The following OSTN variants were observed in gnomAD, a reference collection of about 807,000 sequenced individuals.
The protein encoded by OSTN is osteocrin.
A neutral mutation model predicts 12.0 loss-of-function variants in OSTN; 9 were observed. The ratio of observed to expected loss-of-function variants is 0.75; its 90% CI spans 0.45 to 1.30. The LOEUF (loss-of-function observed/expected upper bound fraction) is 1.30. Ranked by LOEUF, OSTN falls within the 50% of genes most tolerant of loss-of-function variation. OSTN has a pLI of 0.00. For missense variants in OSTN, 148 were observed against 152.3 expected (o/e 0.97, Z 0.15); for synonymous variants, 59 against 56.9 (o/e 1.04, Z -0.16).
intron 1 of OSTN, among the ~76,000 whole-genome samples, chr3:191,209,241 A>G (rs2108589463): frequency 6.6e-6 from 1 of 152,350 alleles, no homozygotes; most frequent in African/African-American, 2.4e-5. Flanking sequence ...ATCCTCCTTT[A>G]TGTAAAGTCA....
intron 4 of OSTN, among the ~76,000 whole-genome samples, chr3:191,252,851 G>T (rs1255985510): frequency 6.6e-6 from 1 of 152,086 alleles, no homozygotes; most frequent in Non-Finnish European, 1.5e-5. Context: ...ATTAAACAGG[G>T]GATGTATCAT....
At chr3:191,230,056 G>C (rs1219606897) in intron 3 of OSTN, among the ~76,000 whole-genome samples, 1 of 133,290 alleles carries the variant, frequency 7.5e-6, no homozygotes, top group Non-Finnish European at 1.5e-5. Flanking sequence ...ACAGAGTGAG[G>C]ACTCAGTCTC....
chr3:191,251,426 C>T (rs1008835978), intron 4 of OSTN, among the ~76,000 whole-genome samples: 6 of 152,198 alleles, frequency 3.9e-5, no homozygotes, highest in African/African-American at 1.4e-4. Flanking sequence ...CAATCTGAGG[C>T]TAGAGCAGAG....
intron 4 of OSTN, among the ~76,000 whole-genome samples, chr3:191,260,378 C>T (rs1282434892): frequency 2.0e-5 from 3 of 151,938 alleles, no homozygotes; most frequent in Admixed American, 6.6e-5. Context: ...GCCAAAGATT[C>T]CCCCACCAAA....
At chr3:191,259,007 T>TGCCTA (rs1715739076) in intron 4 of OSTN, among the ~76,000 whole-genome samples, 1 of 152,066 alleles carries the variant, frequency 6.6e-6, no homozygotes, top group African/African-American at 2.4e-5. Context: ...CACAGGAGGT[T>TGCCTA]GCCTACGACG....
chr3:191,207,147 T>C (rs1714296059), intron 1 of OSTN, among the ~76,000 whole-genome samples: 1 of 152,242 alleles, frequency 6.6e-6, no homozygotes, highest in Non-Finnish European at 1.5e-5. Flanking sequence ...GTTGAATTAG[T>C]TTGTAAATCC....
intron 2 of OSTN, among the ~76,000 whole-genome samples, chr3:191,216,249 C>T (rs1714607811): frequency 6.6e-6 from 1 of 152,188 alleles, no homozygotes; most frequent in Non-Finnish European, 1.5e-5. Flanking sequence ...AGTCCCAAGA[C>T]TGCATAAAGC....
chr3:191,212,338 C>A (rs1714479040), intron 1 of OSTN, among the ~76,000 whole-genome samples, 195 bp from the exon 2 acceptor site: 1 of 152,110 alleles, frequency 6.6e-6, no homozygotes. Context: ...GGAAAAGAAA[C>A]CTTGACAGAA....
At chr3:191,233,406 T>C (rs2363980) in intron 3 of OSTN, among the ~76,000 whole-genome samples, 81,946 of 152,052 alleles carry the variant, frequency 0.54, 25,729 homozygotes, top group South Asian at 0.73. Flanking sequence ...TTCACTTGTT[T>C]AAAGTCTGAA....
chr3:191,233,080 C>T (rs947292673), intron 3 of OSTN, among the ~76,000 whole-genome samples: 4 of 151,628 alleles, frequency 2.6e-5, no homozygotes, highest in Admixed American at 2.0e-4. Flanking sequence ...TATAAAATAT[C>T]AGAAAAGAAA....
intron 3 of OSTN, among the ~76,000 whole-genome samples, chr3:191,241,167 C>CTT (rs575332839): frequency 0.048 from 2,207 of 46,394 alleles, 934 homozygotes; most frequent in Non-Finnish European, 0.082. Flanking sequence ...TGTGCCTTGA[C>CTT]TTTTTTTTTT....
intron 3 of OSTN, among the ~76,000 whole-genome samples, chr3:191,224,416 A>G (rs1714857471): frequency 6.6e-6 from 1 of 151,684 alleles, no homozygotes; most frequent in Non-Finnish European, 1.5e-5. Flanking sequence ...ATAATAGAAG[A>G]GCTTAATTAA....
chr3:191,218,660 G>C (rs1331336083), intron 2 of OSTN, 87 bp from the exon 3 acceptor site: 12 of 1,056,848 alleles, frequency 1.1e-5, no homozygotes, highest in African/African-American at 1.6e-5. Flanking sequence ...GAGTATGTCA[G>C]CTAACAGTAG....
intron 3 of OSTN, among the ~76,000 whole-genome samples, chr3:191,241,270 C>G (rs1459529045): frequency 6.8e-6 from 1 of 146,416 alleles, no homozygotes; most frequent in Non-Finnish European, 1.5e-5. Flanking sequence ...GTTCCGCCTC[C>G]CGGGTTCACG....
intron 2 of OSTN, among the ~76,000 whole-genome samples, chr3:191,215,092 C>T (rs1015107562): frequency 1.3e-5 from 2 of 152,164 alleles, no homozygotes; most frequent in Non-Finnish European, 2.9e-5. Context: ...TTCTGCATGG[C>T]TGGGGATGCC....
intron 3 of OSTN, among the ~76,000 whole-genome samples, chr3:191,226,014 A>G (rs1714900979): frequency 6.6e-6 from 1 of 152,184 alleles, no homozygotes; most frequent in African/African-American, 2.4e-5. Flanking sequence ...AATAAAATGT[A>G]TTTCAAATAA....
At chr3:191,233,351 T>C (rs1167046322) in intron 3 of OSTN, among the ~76,000 whole-genome samples, 1 of 152,244 alleles carries the variant, frequency 6.6e-6, no homozygotes, top group African/African-American at 2.4e-5. Flanking sequence ...CGGGCAACAC[T>C]AACTCAACTA....
At chr3:191,261,377 C>CA (rs1198964515) in intron 4 of OSTN, among the ~76,000 whole-genome samples, 1 of 152,048 alleles carries the variant, frequency 6.6e-6, no homozygotes, top group Non-Finnish European at 1.5e-5. Context: ...AGAGCATGGC[C>CA]AAAAACAGGT....
intron 2 of OSTN, among the ~76,000 whole-genome samples, chr3:191,216,370 C>G (rs1042930420): frequency 3.3e-5 from 5 of 152,210 alleles, no homozygotes; most frequent in African/African-American, 1.2e-4. Flanking sequence ...GACATTTTCC[C>G]CATTGTCTTA....
Sources: allele counts gnomAD v4.1 joint callset (sites outside exome capture counted in the v4.1 genomes callset), GRCh38; gene constraint gnomAD v4.1.1; transcripts MANE v1.5; gene names NCBI Gene and HGNC (gene_info 2026-07-23, HGNC 2026-07-21).